The following MAP2K4 variants were observed in gnomAD, a reference collection of about 807,000 sequenced individuals.
The protein encoded by MAP2K4 is mitogen-activated protein kinase kinase 4, also known as dual specificity mitogen-activated protein kinase kinase 4.
Under a neutral mutation model 48.5 loss-of-function variants are expected in MAP2K4, and 4 were observed. The ratio of observed to expected loss-of-function variants is 0.08; its 90% CI spans 0.04 to 0.19. The LOEUF is 0.19. Among genes scored for constraint, MAP2K4 ranks in the 10% least tolerant of loss-of-function variants. The pLI is 1.00. For synonymous variants in MAP2K4, 166 were observed against 173.1 expected (o/e 0.96, Z 0.32); for missense variants, 258 against 493.3 (o/e 0.52, Z 4.52).
chr17:12,122,297 C>G (rs1284008972), intron 7 of MAP2K4, among the ~76,000 whole-genome samples: 1 of 152,190 alleles, frequency 6.6e-6, no homozygotes, highest in Non-Finnish European at 1.5e-5. Context: ...CACCCTCCCT[C>G]GTCCCCCTGC....
At chr17:12,054,733 T>C (rs1970236519) in intron 1 of MAP2K4, among the ~76,000 whole-genome samples, 156 bp from the exon 2 acceptor site, 1 of 152,174 alleles carries the variant, frequency 6.6e-6, no homozygotes, top group Non-Finnish European at 1.5e-5. Flanking sequence ...TTTTTCTTAG[T>C]TTAAGAAATT....
chr17:12,110,632 G>T, intron 6 of MAP2K4: 1 of 491,764 alleles, frequency 2.0e-6, no homozygotes. Flanking sequence ...TTAGTATGTT[G>T]GACTTAGAAA....
Position 12,124,884 on chromosome 17 carries a change from C to G in MAP2K4, c.814-410C>G, listed in dbSNP as rs534492709. ...TAGAGATGGGGTTTCACCGTGTTAG[C>G]CAGGATGGTCTCGATCTGCTGACCT... On this transcript the variant is annotated intron_variant, in intron 7 of 10. Coordinates refer to ENST00000353533, the MANE Select transcript of MAP2K4 (RefSeq NM_003010.4). The G allele has an allele frequency of 8.4e-4, 143 of 170,606 alleles. 1 individual carries two copies. The highest frequency in any genetic ancestry group is 3.2e-3 in the African/African-American group (134 of 42,186). The allele number at this position is 170,606 out of a possible 1,614,324, so 10.6% of individuals were successfully genotyped here.
chr17:12,111,377 G>T (rs1972296879), intron 6 of MAP2K4, among the ~76,000 whole-genome samples: 1 of 151,944 alleles, frequency 6.6e-6, no homozygotes, highest in Non-Finnish European at 1.5e-5. Context: ...CTTAATGCTT[G>T]TTAGAAATAA....
chr17:12,122,464 TG>T (rs1439167514), intron 7 of MAP2K4, among the ~76,000 whole-genome samples: 1 of 152,222 alleles, frequency 6.6e-6, no homozygotes, highest in African/African-American at 2.4e-5. Context: ...ATACTGTTAT[TG>T]GGAGTGGAAT....
chr17:12,138,422 T>C (rs1567678335), intron 9 of MAP2K4, among the ~76,000 whole-genome samples: 2 of 152,048 alleles, frequency 1.3e-5, no homozygotes, highest in Admixed American at 6.6e-5. Flanking sequence ...GAAAATGTTA[T>C]TAAGAAAATC....
chr17:12,075,846 A>T (rs932906695), intron 2 of MAP2K4, among the ~76,000 whole-genome samples: 3 of 152,238 alleles, frequency 2.0e-5, no homozygotes, highest in African/African-American at 7.2e-5. Flanking sequence ...TATAAGCAGT[A>T]GGTATAATAT....
intron 6 of MAP2K4, chr17:12,110,681 A>C (rs1972275627): frequency 2.5e-6 from 1 of 405,144 alleles, no homozygotes; most frequent in African/African-American, 2.1e-5. Flanking sequence ...TTAGTTGAAA[A>C]ATAATTATTC....
intron 3 of MAP2K4, among the ~76,000 whole-genome samples, chr17:12,083,131 G>T (rs985214009): frequency 6.6e-6 from 1 of 152,126 alleles, no homozygotes; most frequent in Non-Finnish European, 1.5e-5. Flanking sequence ...TGTTATGTGT[G>T]CTTCAACTTT....
At chr17:12,052,869 C>T (rs1970183928) in intron 1 of MAP2K4, among the ~76,000 whole-genome samples, 1 of 152,070 alleles carries the variant, frequency 6.6e-6, no homozygotes, top group Admixed American at 6.6e-5. Flanking sequence ...ACCATTCAGC[C>T]CATTACAGTC....
chr17:12,066,923 C>T (rs565223242), intron 2 of MAP2K4, among the ~76,000 whole-genome samples: 25 of 152,288 alleles, frequency 1.6e-4, no homozygotes, highest in South Asian at 1.0e-3. Context: ...GTGATCCGCC[C>T]GCCTCGGCCT....
intron 7 of MAP2K4, among the ~76,000 whole-genome samples, chr17:12,121,663 C>T (rs1972696146): frequency 6.8e-6 from 1 of 146,844 alleles, no homozygotes; most frequent in African/African-American, 2.5e-5. Context: ...TTTTTGTTTT[C>T]TGTGACATTG....
intron 1 of MAP2K4, among the ~76,000 whole-genome samples, chr17:12,031,577 A>G (rs558796310): frequency 7.9e-5 from 12 of 152,354 alleles, no homozygotes; most frequent in African/African-American, 2.6e-4. Flanking sequence ...ATCTGTATAC[A>G]GTGTATACAT....
intron 1 of MAP2K4, among the ~76,000 whole-genome samples, chr17:12,048,681 A>C (rs780055601): frequency 6.6e-6 from 1 of 151,800 alleles, no homozygotes; most frequent in Non-Finnish European, 1.5e-5. Context: ...TTTGAGACGC[A>C]GTTTCACTCT....
intron 4 of MAP2K4, among the ~76,000 whole-genome samples, chr17:12,103,514 A>G (rs796746935): frequency 6.6e-6 from 1 of 152,152 alleles, no homozygotes; most frequent in African/African-American, 2.4e-5. Context: ...AATTTTTTAA[A>G]CATAGACTAA....
intron 2 of MAP2K4, among the ~76,000 whole-genome samples, chr17:12,071,893 T>C (rs1970822703): frequency 6.6e-6 from 1 of 152,212 alleles, no homozygotes; most frequent in South Asian, 2.1e-4. Flanking sequence ...TCTTCTCATA[T>C]GGGCATATTT....
chr17:12,077,558 C>A (rs148343340), intron 2 of MAP2K4, among the ~76,000 whole-genome samples: 3 of 152,222 alleles, frequency 2.0e-5, no homozygotes, highest in Non-Finnish European at 4.4e-5. Flanking sequence ...CCATCATTCT[C>A]AGGACATTAT....
Position 12,110,444 on chromosome 17 carries a change from T to C in MAP2K4, c.685+18T>C. On this transcript the variant is annotated intron_variant, in intron 6 of 10. Coordinates refer to ENST00000353533, the MANE Select transcript of MAP2K4 (RefSeq NM_003010.4). The stretch of plus-strand genomic sequence containing the variant: ...TCACAGAGGTGGGTATGGATTGGTA[T>C]TTTTTGTAATAGAAATTAACTTTTT... 1.3e-6 allele frequency: 2 copies of C among 1,564,852 alleles called. No individual in the cohort carries two copies. The highest frequency in any genetic ancestry group is 1.7e-5 in the Admixed American group (1 of 58,692).
chr17:12,068,335 T>C (rs1218093326), intron 2 of MAP2K4, among the ~76,000 whole-genome samples: 1 of 152,188 alleles, frequency 6.6e-6, no homozygotes, highest in Non-Finnish European at 1.5e-5. Flanking sequence ...ATTTACAGTC[T>C]AAAGTAATTA....
Sources: gnomAD v4.1 joint callset for allele counts (sites outside exome capture counted in the v4.1 genomes callset) on GRCh38, gnomAD v4.1.1 for gene constraint, MANE v1.5 for transcripts, NCBI Gene and HGNC (gene_info 2026-07-23, HGNC 2026-07-21) for gene names.